The following CSMD1 variants were observed in gnomAD, a reference collection of about 807,000 sequenced individuals.
CSMD1 encodes CUB and Sushi multiple domains 1.
A neutral mutation model predicts 417.5 loss-of-function variants in CSMD1; 213 were observed. The ratio of observed to expected loss-of-function variants is 0.51; its 90% CI spans 0.46 to 0.57. The LOEUF is 0.57. CSMD1 is among the 20% of genes least tolerant of loss of function. The pLI is 0.00. For synonymous variants in CSMD1, 2,862 were observed against 1,736.8 expected, an observed-to-expected ratio of 1.65 and a Z score of -16.11; for missense variants, 6,923 against 4,529.7, an observed-to-expected ratio of 1.53 and a Z score of -15.17.
At chr8:3,033,103 A>G (rs1333120029) in intron 50 of CSMD1, among the ~76,000 whole-genome samples, 1 of 143,128 alleles carries the variant, frequency 7.0e-6, no homozygotes, top group East Asian at 1.9e-4. Flanking sequence ...TACAGTTTCT[A>G]TAAAAAAAAT....
At chr8:4,551,040 C>A (rs1204044034) in intron 2 of CSMD1, among the ~76,000 whole-genome samples, 1 of 152,134 alleles carries the variant, frequency 6.6e-6, no homozygotes, top group Non-Finnish European at 1.5e-5. Context: ...TTGAAGTAGT[C>A]CTTGACAACA....
In CSMD1 at chr8:3,154,690, G is replaced by C. The variant is rs552386278; in HGVS notation, c.5915-3177C>G. On this transcript the variant is annotated intron_variant, in intron 39 of 69. Coordinates refer to ENST00000635120, the MANE Select transcript of CSMD1 (RefSeq NM_033225.6). ...GCTGTAGAGCCCTAGAAAACTGCGAGACCATTCTGGGGCTTGTTATAAATA... is the reference window on the plus strand; with the variant it reads ...GCTGTAGAGCCCTAGAAAACTGCGACACCATTCTGGGGCTTGTTATAAATA... 3.3e-5 allele frequency among the ~76,000 whole-genome samples: 5 copies of C among 152,290 alleles called. No individual in the cohort carries two copies. The South Asian group carries it at 8.3e-4, about 25-fold the overall frequency.
chr8:4,747,115 G>A (rs186279884), intron 1 of CSMD1, among the ~76,000 whole-genome samples: 124 of 152,254 alleles, frequency 8.1e-4, no homozygotes, highest in Non-Finnish European at 1.3e-3. Flanking sequence ...GGTGCTTTCG[G>A]CTCCTGCTCC....
intron 21 of CSMD1, among the ~76,000 whole-genome samples, chr8:3,355,505 C>G (rs1328029134): frequency 6.6e-6 from 1 of 152,132 alleles, no homozygotes; most frequent in Non-Finnish European, 1.5e-5. Flanking sequence ...ACAATGACTG[C>G]TCAGGAATAG....
intron 6 of CSMD1, among the ~76,000 whole-genome samples, chr8:3,712,753 T>A (rs1471642528): frequency 6.6e-6 from 1 of 152,198 alleles, no homozygotes; most frequent in African/African-American, 2.4e-5. Flanking sequence ...ACGCCAAAGT[T>A]AGTCTCACAT....
chr8:4,093,683 G>T (rs1160758477), intron 3 of CSMD1, among the ~76,000 whole-genome samples: 2 of 152,152 alleles, frequency 1.3e-5, no homozygotes, highest in Non-Finnish European at 2.9e-5. Flanking sequence ...CAGAACGGCC[G>T]GGTGCAGAGG....
chr8:4,620,556 G>C (rs1198364887), intron 2 of CSMD1, among the ~76,000 whole-genome samples: 1 of 151,718 alleles, frequency 6.6e-6, no homozygotes, highest in Non-Finnish European at 1.5e-5. Context: ...AAATTGCACA[G>C]AGTATATTTT....
At chr8:4,053,922 G>A (rs974110566) in intron 3 of CSMD1, among the ~76,000 whole-genome samples, 2 of 152,152 alleles carry the variant, frequency 1.3e-5, no homozygotes, top group African/African-American at 4.8e-5. Context: ...AAATAAAAAT[G>A]TATTTACTTA....
chr8:3,944,603 A>G (rs1811100752), intron 5 of CSMD1, among the ~76,000 whole-genome samples: 3 of 152,306 alleles, frequency 2.0e-5, no homozygotes, highest in Admixed American at 1.3e-4. Context: ...ATTCCCAGAT[A>G]TGCCAACATA....
intron 3 of CSMD1, among the ~76,000 whole-genome samples, chr8:4,407,934 C>A (rs774238857): frequency 6.6e-6 from 1 of 152,110 alleles, no homozygotes; most frequent in African/African-American, 2.4e-5. Context: ...GCATCTTATT[C>A]CTGCACAAAA....
intron 2 of CSMD1, among the ~76,000 whole-genome samples, chr8:4,479,897 C>T (rs1800995507): frequency 6.7e-6 from 1 of 149,900 alleles, no homozygotes; most frequent in South Asian, 2.1e-4. Flanking sequence ...ACCTGGGAGG[C>T]AGAGGTTGCA....
chr8:3,790,722 C>A (rs1252357777), intron 5 of CSMD1, among the ~76,000 whole-genome samples: 1 of 151,950 alleles, frequency 6.6e-6, no homozygotes, highest in Non-Finnish European at 1.5e-5. Flanking sequence ...ACAAAAACAC[C>A]CAAACTTCTC....
At chr8:3,893,363 T>TATATA (rs1563185043) in intron 5 of CSMD1, among the ~76,000 whole-genome samples, 4 of 28,818 alleles carry the variant, frequency 1.4e-4, no homozygotes, top group African/African-American at 3.1e-4. Flanking sequence ...ATATATATAT[T>TATATA]ATTTTTTTTC....
intron 3 of CSMD1, among the ~76,000 whole-genome samples, chr8:4,063,792 A>C (rs1486823803): frequency 6.6e-6 from 1 of 152,144 alleles, no homozygotes; most frequent in African/African-American, 2.4e-5. Context: ...AGTTCCACTT[A>C]AACCTGCATC....
intron 5 of CSMD1, among the ~76,000 whole-genome samples, chr8:3,791,268 T>C (rs988946623): frequency 1.3e-5 from 2 of 152,242 alleles, no homozygotes; most frequent in African/African-American, 4.8e-5. Flanking sequence ...AAAGCATGTA[T>C]GATAAACTTG....
At chr8:4,053,234 G>A (rs959687081) in intron 3 of CSMD1, among the ~76,000 whole-genome samples, 3 of 152,180 alleles carry the variant, frequency 2.0e-5, no homozygotes, top group African/African-American at 4.8e-5. Context: ...AGCACCGTGT[G>A]TTTAGAACTT....
chr8:3,666,541 C>G (rs1001171234), intron 7 of CSMD1, among the ~76,000 whole-genome samples: 1 of 152,088 alleles, frequency 6.6e-6, no homozygotes. Context: ...TGAAAGCTGC[C>G]TGATATGGTT....
rs1214347761 is a variant in CSMD1, at chr8:4,920,912, AAAAGAAAAGAAAAG to A, written c.85+73406_85+73419del. On this transcript the variant is annotated intron_variant, in intron 1 of 69. Coordinates refer to ENST00000635120, the MANE Select transcript of CSMD1 (RefSeq NM_033225.6). The stretch of plus-strand genomic sequence containing the variant: ...AAAAGAAAAGAAAAGAAAAGAAAAG[AAAAGAAAAGAAAAG>A]AAAGAGAGAAAGAAAGAAAGAAAGA... 3.0e-3 allele frequency among the ~76,000 whole-genome samples: 179 copies of A among 59,384 alleles called. 15 individuals are homozygous for A. The highest frequency in any genetic ancestry group is 4.8e-3 in the Non-Finnish European group (110 of 23,060). The allele number at this position is 59,384 out of a possible 152,430, so 39.0% of individuals were successfully genotyped here.
In CSMD1 at chr8:4,409,626, T is replaced by C. The variant is rs549395531; in HGVS notation, c.415+10327A>G. ...GACTTAGAAGAGTATAGATTCATCA[T>C]TATTTGACTTTTTTTCTTTTTTTTT... On this transcript the variant is annotated intron_variant, in intron 3 of 69. Coordinates refer to ENST00000635120, the MANE Select transcript of CSMD1 (RefSeq NM_033225.6). 1.6e-4 allele frequency among the ~76,000 whole-genome samples: 22 copies of C among 138,214 alleles called. No homozygotes were observed. In the Admixed American group the frequency reaches 1.6e-3, roughly 10 times the overall value. The allele number at this position is 138,214 out of a possible 152,430, so 90.7% of individuals were successfully genotyped here. A position where few individuals can be genotyped will look rare whatever the true frequency, so the allele number is the denominator to read the frequency against.
Sources: allele counts gnomAD v4.1 joint callset (sites outside exome capture counted in the v4.1 genomes callset), GRCh38; gene constraint gnomAD v4.1.1; transcripts MANE v1.5; gene names NCBI Gene and HGNC (gene_info 2026-07-23, HGNC 2026-07-21).